Variants in SLC16A7 observed in about 807,000 individuals in gnomAD.
The protein encoded by SLC16A7 is solute carrier family 16 member 7.
Under a neutral mutation model 34.9 loss-of-function variants are expected in SLC16A7, and 33 were observed. The ratio of observed to expected loss-of-function variants is 0.94; its 90% CI spans 0.72 to 1.26. SLC16A7 has a LOEUF of 1.26. Ranked by LOEUF, SLC16A7 falls within the 50% of genes most tolerant of loss-of-function variation. The pLI, the probability that SLC16A7 is intolerant of heterozygous loss-of-function variation, is 0.00. For synonymous variants in SLC16A7, 201 were observed against 206.6 expected, an observed-to-expected ratio of 0.97 and a Z score of 0.23; for missense variants, 573 against 578.1, an observed-to-expected ratio of 0.99 and a Z score of 0.09.
intron 1 of SLC16A7, among the ~76,000 whole-genome samples, chr12:59,601,063 C>G (rs1295709860): frequency 6.6e-6 from 1 of 152,096 alleles, no homozygotes; most frequent in Admixed American, 6.6e-5. Flanking sequence ...TAGCAACTTT[C>G]AATAGAAAAT....
intron 3 of SLC16A7, among the ~76,000 whole-genome samples, chr12:59,720,667 C>T (rs1040177364): frequency 4.6e-5 from 7 of 152,080 alleles, no homozygotes; most frequent in African/African-American, 1.7e-4. Flanking sequence ...CTCCCCAACT[C>T]CCATGTTCAC....
intron 3 of SLC16A7, among the ~76,000 whole-genome samples, chr12:59,708,513 G>A (rs1179851814): frequency 6.6e-6 from 1 of 152,112 alleles, no homozygotes; most frequent in East Asian, 1.9e-4. Flanking sequence ...AAAAAAATTT[G>A]GAGAGCAAAG....
chr12:59,597,593 TG>T (rs1183851260), intron 1 of SLC16A7, among the ~76,000 whole-genome samples: 2 of 152,152 alleles, frequency 1.3e-5, no homozygotes, highest in African/African-American at 4.8e-5. Context: ...TGGTGGAGTG[TG>T]GCTGAAAAAT....
rs192528091 is a variant in SLC16A7, at chr12:59,609,358, G to T, written c.-130+13122G>T. 3.9e-3 allele frequency among the ~76,000 whole-genome samples: 600 copies of T among 152,326 alleles called. 3 individuals carry two copies. The highest frequency in any genetic ancestry group is 0.014 in the African/African-American group (573 of 41,572). ...TTGACAGACTTCAGTCTTCCTTTCT[G>T]CAATATGAGTTCAGTTAATGAAAAC... On this transcript the variant is annotated intron_variant, in intron 1 of 5. Coordinates refer to ENST00000547379, the MANE Select transcript of SLC16A7 (RefSeq NM_001270623.2).
intron 2 of SLC16A7, among the ~76,000 whole-genome samples, chr12:59,672,774 A>C (rs1375328296): frequency 6.6e-6 from 1 of 152,172 alleles, no homozygotes; most frequent in Non-Finnish European, 1.5e-5. Flanking sequence ...TCTAAAGTGC[A>C]TCACAGTTCT....
intron 1 of SLC16A7, among the ~76,000 whole-genome samples, chr12:59,619,821 A>T (rs1211171447): frequency 6.6e-6 from 1 of 152,072 alleles, no homozygotes; most frequent in South Asian, 2.1e-4. Context: ...TACATTGATT[A>T]TCTACTGTCC....
chr12:59,687,223 G>T (rs1871232259), intron 2 of SLC16A7, among the ~76,000 whole-genome samples: 1 of 151,672 alleles, frequency 6.6e-6, no homozygotes, highest in Admixed American at 6.6e-5. Flanking sequence ...GTGGGGGGTG[G>T]GGGCAGAAAA....
At chr12:59,764,709 T>C (rs889049389) in intron 3 of SLC16A7, among the ~76,000 whole-genome samples, 21 of 152,212 alleles carry the variant, frequency 1.4e-4, no homozygotes, top group African/African-American at 4.6e-4. Flanking sequence ...ATATGTGCCA[T>C]ATTTTCTTAA....
intron 2 of SLC16A7, among the ~76,000 whole-genome samples, chr12:59,675,027 G>A (rs1166875620): frequency 6.6e-6 from 1 of 152,142 alleles, no homozygotes; most frequent in Non-Finnish European, 1.5e-5. Context: ...GCGAGTCTGG[G>A]TCAACAAGGG....
Position 59,784,375 on chromosome 12 carries a change from T to C in SLC16A7, c.*4696T>C, listed in dbSNP as rs1175195621. The C allele has an allele frequency of 6.7e-6, 1 of 149,014 alleles. No individual in the cohort carries two copies. The highest frequency in any genetic ancestry group is 2.0e-4 in the East Asian group (1 of 5,108). 9.2% of individuals were successfully genotyped at this position (149,014 alleles called of 1,614,324 possible). A position where few individuals can be genotyped will look rare whatever the true frequency, so the allele number is the denominator to read the frequency against. Reference sequence around the variant, plus strand: ...CAATAGAGTGAGAATCTGTCTCTATTAAAAAAAAAATAAAATGTTCTTACT... The same window carrying C: ...CAATAGAGTGAGAATCTGTCTCTATCAAAAAAAAAATAAAATGTTCTTACT... On this transcript the variant is annotated 3_prime_UTR_variant, in exon 6 of 6. Coordinates refer to ENST00000547379, the MANE Select transcript of SLC16A7 (RefSeq NM_001270623.2).
At position 59,779,310 on chromosome 12, in the gene SLC16A7, T is replaced by C. The variant is rs1883053525; in HGVS notation, c.1181-113T>C. 4.9e-6 allele frequency: 4 copies of C among 822,840 alleles called. No homozygotes were observed. In the African/African-American group the frequency reaches 5.2e-5, roughly 11 times the overall value. The allele number at this position is 822,840 out of a possible 1,614,324, so 51.0% of individuals were successfully genotyped here. A position where few individuals can be genotyped will look rare whatever the true frequency, so the allele number is the denominator to read the frequency against. On this transcript the variant is annotated intron_variant, in intron 5 of 5. Transcript: ENST00000547379. ...AGATTTTTTTATTTTTAAAGTCTTA[T>C]TTGACATTAATTTAAATAAGAGGAA...
intron 4 of SLC16A7, among the ~76,000 whole-genome samples, chr12:59,771,737 G>A (rs951067471): frequency 6.6e-6 from 1 of 152,022 alleles, no homozygotes; most frequent in Non-Finnish European, 1.5e-5. Context: ...TGACTTATCT[G>A]CATTTGCAGT....
chr12:59,608,438 T>C (rs973854097), intron 1 of SLC16A7, among the ~76,000 whole-genome samples: 3 of 152,202 alleles, frequency 2.0e-5, no homozygotes, highest in Admixed American at 6.5e-5. Context: ...TGAGTATCAC[T>C]AAGGGATATG....
intron 3 of SLC16A7, among the ~76,000 whole-genome samples, chr12:59,710,388 C>T (rs1289351738): frequency 6.6e-6 from 1 of 152,146 alleles, no homozygotes; most frequent in African/African-American, 2.4e-5. Context: ...GGAATCATGG[C>T]CCTGGAGCTT....
At chr12:59,620,793 A>C (rs1879665275) in intron 1 of SLC16A7, among the ~76,000 whole-genome samples, 1 of 151,902 alleles carries the variant, frequency 6.6e-6, no homozygotes. Flanking sequence ...TATTAATCAG[A>C]AACCAATAAA....
chr12:59,654,693 A>G (rs1343137122), intron 1 of SLC16A7, among the ~76,000 whole-genome samples: 4 of 140,060 alleles, frequency 2.9e-5, no homozygotes, highest in East Asian at 3.6e-4. Context: ...ATAGGCATGC[A>G]CACACACACA....
At chr12:59,711,484 G>A (rs1477537165) in intron 3 of SLC16A7, among the ~76,000 whole-genome samples, 1 of 151,922 alleles carries the variant, frequency 6.6e-6, no homozygotes, top group Admixed American at 6.5e-5. Flanking sequence ...TAGTAGCCAT[G>A]AAATATAATG....
At chr12:59,627,172 AC>A (rs1879965929) in intron 1 of SLC16A7, among the ~76,000 whole-genome samples, 1 of 151,878 alleles carries the variant, frequency 6.6e-6, no homozygotes, top group Non-Finnish European at 1.5e-5. Flanking sequence ...TTATACATTG[AC>A]CTGGAACCCA....
At chr12:59,601,876 A>G (rs1214215069) in intron 1 of SLC16A7, among the ~76,000 whole-genome samples, 1 of 152,180 alleles carries the variant, frequency 6.6e-6, no homozygotes, top group Non-Finnish European at 1.5e-5. Context: ...TAACTCCCAA[A>G]GTCCCCATGT....
Sources: gnomAD v4.1 joint callset for allele counts (sites outside exome capture counted in the v4.1 genomes callset) on GRCh38, gnomAD v4.1.1 for gene constraint, MANE v1.5 for transcripts, NCBI Gene and HGNC (gene_info 2026-07-23, HGNC 2026-07-21) for gene names.